VEGFB: variants seen among roughly 807,000 people sequenced by gnomAD.
VEGFB encodes the protein VEGF-related factor.
In VEGFB, 24 loss-of-function variants were observed where a neutral mutation model predicts 22.5. That is an observed-to-expected ratio of 1.07 (90% CI 0.77 to 1.50). The LOEUF is 1.50. Ranked by LOEUF, VEGFB falls within the 40% of genes most tolerant of loss-of-function variation. The pLI is 0.00. For synonymous variants in VEGFB, 141 were observed against 117.4 expected (o/e 1.20, Z -1.30); for missense variants, 327 against 287.8 (o/e 1.14, Z -0.99).
chr11:64,236,024 G>A lies in VEGFB; in HGVS notation c.300+15G>A. 5.1e-6 allele frequency: 8 copies of A among 1,568,654 alleles called. No individual in the cohort carries two copies. Among genetic ancestry groups the A allele is most frequent in the Non-Finnish European group, 6.9e-6 (8 of 1,157,184 alleles). On this transcript the variant is annotated intron_variant, in intron 3 of 6. Coordinates refer to ENST00000309422, the MANE Select transcript of VEGFB (RefSeq NM_003377.5). ...TCCGGATGCAGGTACTGGGCAGGTG[G>A]GGCAACGGGCAGGGGATGCAGGTAC...
intron 4 of VEGFB, among the ~76,000 whole-genome samples, chr11:64,236,728 A>T (rs1234882126): frequency 3.1e-5 from 1 of 32,386 alleles, no homozygotes; most frequent in African/African-American, 1.3e-4. Context: ...AAAAAAAAAA[A>T]AAAAAAAAAA....
chr11:64,236,429 C>G lies in VEGFB; in HGVS notation c.374+102C>G, dbSNP rs1326476981. ...GGGACCAGGTTCCTAAGAGTAGAAC[C>G]AAGGGGCCGGGCGTGGTAGCTCACG... On this transcript the variant is annotated intron_variant, in intron 4 of 6. Coordinates refer to ENST00000309422, the MANE Select transcript of VEGFB (RefSeq NM_003377.5). 3.1e-5 allele frequency: 38 copies of G among 1,217,026 alleles called. No homozygotes were observed. The South Asian group carries it at 4.9e-4, about 16-fold the overall frequency. 75.4% of individuals were successfully genotyped at this position (1,217,026 alleles called of 1,614,324 possible).
chr11:64,234,875 G>A lies in VEGFB; in HGVS notation c.42G>A (p.Leu14=). 1 of 1,305,044 alleles carries A rather than the reference G, an allele frequency of 7.7e-7. No homozygotes were observed. Among genetic ancestry groups the A allele is most frequent in the Non-Finnish European group, 9.8e-7 (1 of 1,023,704 alleles). 80.8% of individuals were successfully genotyped at this position (1,305,044 alleles called of 1,614,324 possible). A position where few individuals can be genotyped will look rare whatever the true frequency, so the allele number is the denominator to read the frequency against. ...GCCGCCTGCTGCTCGCCGCACTCCT[G>A]CAGCTGGCCCCCGCCCAGGTACGTG... ...LLRRLLLAAL[L]QLAPAQAPVS... The change falls in exon 1 of 7, where the codon CTG becomes CTA. Residue 14 remains leucine (L), a synonymous_variant. Transcript: ENST00000309422. This position sits in a 1 kb window ranked among gnomAD's most constrained non-coding sequence, Gnocchi z 5.3.
chr11:64,236,331 C>T lies in VEGFB; in HGVS notation c.374+4C>T. On this transcript the variant is annotated splice_donor_region_variant and intron_variant, in intron 4 of 6. Transcript: ENST00000309422. ...AACACAGCCAGTGTGAATGCAGGTG[C>T]CAGCCAGGCCCAACTTCTGAGCTCG... is the stretch of plus-strand genomic sequence containing the variant. The T allele has an allele frequency of 3.1e-6, 5 of 1,613,484 alleles. No homozygotes were observed. The East Asian group carries it at 1.1e-4, about 36-fold the overall frequency.
chr11:64,239,005 A>ATACAGACTGCCTGCCCTCCTGCTCTTCAC lies in VEGFB; in HGVS notation c.*673_*701dup, dbSNP rs1565319442. Reference sequence around the variant, plus strand: ...ATGGGAGTCAGGGATAGCCCAGTCAATACAGACTGCCTGCCCTCCTGCTCT... The same window carrying ATACAGACTGCCTGCCCTCCTGCTCTTCAC: ...ATGGGAGTCAGGGATAGCCCAGTCAATACAGACTGCCTGCCCTCCTGCTCTTCACTACAGACTGCCTGCCCTCCTGCTCT... On this transcript the variant is annotated 3_prime_UTR_variant, in exon 7 of 7. Transcript: ENST00000309422. Among the ~76,000 whole-genome samples, 10 of 152,200 alleles carry ATACAGACTGCCTGCCCTCCTGCTCTTCAC rather than the reference A, an allele frequency of 6.6e-5. No homozygotes were observed. The highest frequency in any genetic ancestry group is 2.4e-4 in the African/African-American group (10 of 41,454).
At chr11:64,235,533 A>T in intron 2 of VEGFB, 33 bp downstream of exon 2, 1 of 1,610,692 alleles carries the variant, frequency 6.2e-7, no homozygotes, top group Non-Finnish European at 8.5e-7. Context: ...ACTAGCCAGC[A>T]CTAAGAGGGT....
At chr11:64,237,120 A>AGAGAGAGAGAGAGAGAGG in intron 4 of VEGFB, 67 bp from the exon 5 acceptor site, 1 of 966,626 alleles carries the variant, frequency 1.0e-6, no homozygotes, top group Admixed American at 1.9e-5. Context: ...AGAGAGAGAG[A>AGAGAGAGAGAGAGAGAGG]GAGTAGGATG....
rs1467401781 is a variant in VEGFB at position 64,236,304 on chromosome 11, A to G, written c.351A>G (p.Glu117=). 1 of 1,613,886 alleles carries G rather than the reference A, an allele frequency of 6.2e-7. No individual in the cohort carries two copies. Among genetic ancestry groups the G allele is most frequent in the Non-Finnish European group, 8.5e-7 (1 of 1,179,996 alleles). The change falls in exon 4 of 7, where the codon GAA becomes GAG. Residue 117 remains glutamate, a synonymous_variant. Transcript: ENST00000309422. ...PSSQLGEMSL[E]EHSQCECRPK... is the part of the protein sequence containing the mutation. The stretch of plus-strand genomic sequence containing the variant: ...GTCAGCTGGGGGAGATGTCCCTGGA[A>G]GAACACAGCCAGTGTGAATGCAGGT...
chr11:64,236,337 A>G lies in VEGFB; in HGVS notation c.374+10A>G. 1 of 1,613,482 alleles carries G rather than the reference A, an allele frequency of 6.2e-7. No homozygotes were observed. The highest frequency in any genetic ancestry group is 8.5e-7 in the Non-Finnish European group (1 of 1,179,920). On this transcript the variant is annotated intron_variant, in intron 4 of 6. Coordinates refer to ENST00000309422, the MANE Select transcript of VEGFB (RefSeq NM_003377.5). ...GCCAGTGTGAATGCAGGTGCCAGCC[A>G]GGCCCAACTTCTGAGCTCGCAGAGG...
At position 64,238,382 on chromosome 11, in the gene VEGFB, T is replaced by A. The variant is rs1447379082; in HGVS notation, c.*49T>A. ...TGCCGGAAGCTGCGAAGGTGACACA[T>A]GGCTTTTCAGACTCAGCAGGGTGAC... On this transcript the variant is annotated 3_prime_UTR_variant, in exon 7 of 7. Coordinates refer to ENST00000309422, the MANE Select transcript of VEGFB (RefSeq NM_003377.5). The A allele has an allele frequency of 2.0e-6, 3 of 1,536,070 alleles. No homozygotes were observed. The highest frequency in any genetic ancestry group is 1.7e-4 in the Middle Eastern group (1 of 5,988).
Position 64,238,353 on chromosome 11 carries a change from C to T in VEGFB, c.*23-3C>T. On this transcript the variant is annotated splice_polypyrimidine_tract_variant and splice_region_variant and intron_variant, in intron 6 of 6. Transcript: ENST00000309422. ...ATGAACAGATCACTTCCTCCCTCCTCAGGTGCCGGAAGCTGCGAAGGTGAC... is the reference window on the plus strand; with the variant it reads ...ATGAACAGATCACTTCCTCCCTCCTTAGGTGCCGGAAGCTGCGAAGGTGAC... 1 of 1,536,202 alleles carries T rather than the reference C, an allele frequency of 6.5e-7. No individual in the cohort carries two copies. The highest frequency in any genetic ancestry group is 1.2e-5 in the South Asian group (1 of 84,056).
intron 6 of VEGFB, 44 bp downstream of exon 6, chr11:64,237,699 G>A: frequency 6.7e-7 from 1 of 1,485,106 alleles, no homozygotes; most frequent in Non-Finnish European, 9.0e-7. Flanking sequence ...AGGCACCAAG[G>A]CCCTGTCCTG....
In VEGFB at chr11:64,236,872, C is replaced by T. The variant is rs1279686985; in HGVS notation, c.375-315C>T. Among the ~76,000 whole-genome samples the T allele has an allele frequency of 3.4e-5, 5 of 148,552 alleles. No individual in the cohort carries two copies. In the East Asian group the frequency reaches 8.0e-4, roughly 24 times the overall value. On this transcript the variant is annotated intron_variant, in intron 4 of 6. Transcript: ENST00000309422. ...GGCAGGCAGATCACCTGAGGTAAGG[C>T]GTTTGAGACCAGCCTGGCCAACATG... is the stretch of plus-strand genomic sequence containing the variant.
At chr11:64,236,372 G>T in intron 4 of VEGFB, 45 bp downstream of exon 4, 2 of 1,584,186 alleles carry the variant, frequency 1.3e-6, no homozygotes, top group Non-Finnish European at 1.7e-6. Context: ...GCCAGGCTTG[G>T]GGGGTGCTGG....
Position 64,238,535 on chromosome 11 carries a change from A to C in VEGFB, c.*202A>C. The C allele has an allele frequency of 1.2e-6, 1 of 830,008 alleles. No homozygotes were observed. Among genetic ancestry groups the C allele is most frequent in the Non-Finnish European group, 1.9e-6 (1 of 527,618 alleles). 51.4% of individuals were successfully genotyped at this position (830,008 alleles called of 1,614,324 possible). A position where few individuals can be genotyped will look rare whatever the true frequency, so the allele number is the denominator to read the frequency against. On this transcript the variant is annotated 3_prime_UTR_variant, in exon 7 of 7. Coordinates refer to ENST00000309422, the MANE Select transcript of VEGFB (RefSeq NM_003377.5). ...GGGCCTCTCAGAGGGCTCTTCTGCC[A>C]TCCCTTGTCTCCCTGAGGCCATCAT...
intron 2 of VEGFB, 63 bp from the exon 3 acceptor site, chr11:64,235,750 C>A: frequency 6.3e-7 from 1 of 1,589,294 alleles, no homozygotes; most frequent in East Asian, 2.2e-5. Flanking sequence ...CTGGGGAGGA[C>A]AGATGCTGGG....
Position 64,238,483 on chromosome 11 carries a change from G to A in VEGFB, c.*150G>A. On this transcript the variant is annotated 3_prime_UTR_variant, in exon 7 of 7. Transcript: ENST00000309422. ...AAACAGCCAAGCCCCCAAGACCTCA[G>A]CCCAGGCAGAAGCTGCTCTAGGACC... The A allele has an allele frequency of 2.1e-6, 3 of 1,436,398 alleles. No homozygotes were observed. The highest frequency in any genetic ancestry group is 2.8e-6 in the Non-Finnish European group (3 of 1,057,976). The allele number at this position is 1,436,398 out of a possible 1,614,324, so 89.0% of individuals were successfully genotyped here. A position where few individuals can be genotyped will look rare whatever the true frequency, so the allele number is the denominator to read the frequency against.
At position 64,234,965 on chromosome 11, in the gene VEGFB, G is replaced by T; in HGVS notation, c.60+72G>T. 2 of 1,214,232 alleles carry T rather than the reference G, an allele frequency of 1.6e-6. No individual in the cohort carries two copies. The highest frequency in any genetic ancestry group is 5.6e-5 in the South Asian group (2 of 35,478). 75.2% of individuals were successfully genotyped at this position (1,214,232 alleles called of 1,614,324 possible). ...TCAAGGTTGGCGGAAGTGAGGAGGCGACCCGCGGCCTCGGCCGAGGGGATC... is the reference window on the plus strand; with the variant it reads ...TCAAGGTTGGCGGAAGTGAGGAGGCTACCCGCGGCCTCGGCCGAGGGGATC... On this transcript the variant is annotated intron_variant, in intron 1 of 6. Transcript: ENST00000309422. This position sits in a 1 kb window ranked among gnomAD's most constrained non-coding sequence, Gnocchi z 5.3.
chr11:64,236,866 G>A (rs1591080558), intron 4 of VEGFB, among the ~76,000 whole-genome samples: 2 of 149,326 alleles, frequency 1.3e-5, no homozygotes, highest in African/African-American at 4.9e-5. Flanking sequence ...ATCACCTGAG[G>A]TAAGGCGTTT....
Sources: gnomAD v4.1 joint callset for allele counts (sites outside exome capture counted in the v4.1 genomes callset) on GRCh38, gnomAD v4.1.1 for gene constraint, Gnocchi (gnomAD v3.1) non-coding constraint, MANE v1.5 for transcripts, NCBI Gene and HGNC (gene_info 2026-07-23, HGNC 2026-07-21) for gene names.